Variants in MEOX1 observed in about 807,000 individuals in gnomAD.
MEOX1 encodes the protein mesenchyme homeobox 1.
A neutral mutation model predicts 23.2 loss-of-function variants in MEOX1; 17 were observed. The observed-to-expected ratio is 0.73, with a 90% CI of 0.50 to 1.10. The LOEUF (loss-of-function observed/expected upper bound fraction) is 1.10. Ranked by LOEUF, MEOX1 falls within the 50% of genes least tolerant of loss-of-function variation. MEOX1 has a pLI of 0.00. For missense variants in MEOX1, 333 were observed against 332.2 expected, an observed-to-expected ratio of 1.00 and a Z score of -0.02; for synonymous variants, 134 against 135.1, an observed-to-expected ratio of 0.99 and a Z score of 0.06.
intron 1 of MEOX1, among the ~76,000 whole-genome samples, chr17:43,659,657 A>AGTTTGACCCCATTCTTTCTGT (rs1973103770): frequency 1.3e-5 from 2 of 152,306 alleles, no homozygotes; most frequent in South Asian, 4.1e-4. Context: ...TGCTCACTCT[A>AGTTTGACCCCATTCTTTCTGT]GTTTGACCCC....
Position 43,661,908 on chromosome 17 carries a change from T to G in MEOX1, c.-374A>C. ...AGTTCGTCCTGGAGCCCAGAGCAAATGCCTGCAGAGGGCTGGACCAGGGCT... is the reference window on the plus strand; with the variant it reads ...AGTTCGTCCTGGAGCCCAGAGCAAAGGCCTGCAGAGGGCTGGACCAGGGCT... On this transcript the variant is annotated 5_prime_UTR_variant, in exon 1 of 3. Transcript: ENST00000318579. The G allele has an allele frequency of 5.6e-6, 1 of 177,384 alleles. No individual in the cohort carries two copies. The highest frequency in any genetic ancestry group is 1.2e-5 in the Non-Finnish European group (1 of 85,522). The allele number at this position is 177,384 out of a possible 1,614,324, so 11.0% of individuals were successfully genotyped here. A position where few individuals can be genotyped will look rare whatever the true frequency, so the allele number is the denominator to read the frequency against.
intron 1 of MEOX1, among the ~76,000 whole-genome samples, chr17:43,658,506 CAAAA>C (rs56142635): frequency 9.2e-6 from 1 of 108,570 alleles, no homozygotes. Context: ...GACTCCATCT[CAAAA>C]AAAAAAAAAA....
At position 43,661,199 on chromosome 17, in the gene MEOX1, A is replaced by G; in HGVS notation, c.336T>C (p.Gly112=). The G allele has an allele frequency of 6.2e-7, 1 of 1,606,462 alleles. No individual in the cohort carries two copies. The highest frequency in any genetic ancestry group is 1.1e-5 in the South Asian group (1 of 89,768). ...RRRPNSGPAG[G]SKEMGTSSLG... The stretch of plus-strand genomic sequence containing the variant: ...GGCTGCTGGTCCCCATTTCCTTGGA[A>G]CCCCCTGCCGGGCCTGAGTTGGGCC... Residue 112 remains glycine (G), a synonymous_variant, in exon 1 of 3, where the codon GGT becomes GGC. Transcript: ENST00000318579.
At chr17:43,649,700 T>C (rs1200442725) in intron 1 of MEOX1, among the ~76,000 whole-genome samples, 1 of 152,170 alleles carries the variant, frequency 6.6e-6, no homozygotes, top group Non-Finnish European at 1.5e-5. Flanking sequence ...CTGCGCTGCT[T>C]CTCTCTTGGG....
chr17:43,645,809 C>A (rs1000916149), intron 1 of MEOX1, among the ~76,000 whole-genome samples: 1 of 152,246 alleles, frequency 6.6e-6, no homozygotes, highest in Non-Finnish European at 1.5e-5. Flanking sequence ...CCAGCACCCC[C>A]CTCTATTGCT....
At chr17:43,648,832 T>A (rs1270811073) in intron 1 of MEOX1, among the ~76,000 whole-genome samples, 1 of 152,144 alleles carries the variant, frequency 6.6e-6, no homozygotes, top group Non-Finnish European at 1.5e-5. Context: ...TCCCCAGCCT[T>A]CCCACAGCTC....
chr17:43,654,120 C>G (rs73984053), intron 1 of MEOX1, among the ~76,000 whole-genome samples: 1 of 152,270 alleles, frequency 6.6e-6, no homozygotes, highest in African/African-American at 2.4e-5. Flanking sequence ...ACCCCAGTAC[C>G]TTAGAGTGTG....
chr17:43,657,200 G>A (rs181786065), intron 1 of MEOX1, among the ~76,000 whole-genome samples: 391 of 104,810 alleles, frequency 3.7e-3, no homozygotes, highest in Middle Eastern at 9.4e-3. Context: ...ATGTAGTCCC[G>A]CTCTGTCACC....
At chr17:43,659,378 G>A (rs1486551408) in intron 1 of MEOX1, among the ~76,000 whole-genome samples, 1 of 152,106 alleles carries the variant, frequency 6.6e-6, no homozygotes, top group Non-Finnish European at 1.5e-5. Context: ...CGGTTTAAAG[G>A]GCCCTTCTAT....
intron 1 of MEOX1, among the ~76,000 whole-genome samples, chr17:43,647,014 G>A (rs187168764): frequency 3.9e-5 from 6 of 152,260 alleles, no homozygotes; most frequent in East Asian, 3.9e-4. Flanking sequence ...TAAAAGTGCT[G>A]GACAAATATA....
chr17:43,644,315 G>A (rs1972762314), intron 1 of MEOX1, among the ~76,000 whole-genome samples: 1 of 152,212 alleles, frequency 6.6e-6, no homozygotes, highest in Non-Finnish European at 1.5e-5. Context: ...TACGGAATCA[G>A]AATCTGCCCC....
At chr17:43,645,706 C>CT (rs1038389641) in intron 1 of MEOX1, among the ~76,000 whole-genome samples, 11 of 152,230 alleles carry the variant, frequency 7.2e-5, no homozygotes, top group Non-Finnish European at 1.6e-4. Context: ...ATGCAGTCGG[C>CT]TAAGCAGCCG....
rs1347167922 is a variant in MEOX1, at chr17:43,641,880, T to C, written c.*30A>G. 2 of 1,600,568 alleles carry C rather than the reference T, an allele frequency of 1.2e-6. No individual in the cohort carries two copies. ...GGGGGTAGTTGGGTAGGGGGCTCAG[T>C]CCTTAGTCATTTTTCCTCCATGCAG... On this transcript the variant is annotated 3_prime_UTR_variant, in exon 3 of 3. Transcript: ENST00000318579.
At position 43,641,894 on chromosome 17, in the gene MEOX1, T is replaced by C. The variant is rs1972701021; in HGVS notation, c.*16A>G. The stretch of plus-strand genomic sequence containing the variant: ...AGGGGGCTCAGTCCTTAGTCATTTT[T>C]CCTCCATGCAGAATCTCACTCTGAA... On this transcript the variant is annotated 3_prime_UTR_variant, in exon 3 of 3. Coordinates refer to ENST00000318579, the MANE Select transcript of MEOX1 (RefSeq NM_004527.4). 6.2e-7 allele frequency: 1 copy of C among 1,608,222 alleles called. No homozygotes were observed. Among genetic ancestry groups the C allele is most frequent in the African/African-American group, 1.3e-5 (1 of 74,760 alleles).
chr17:43,642,520 A>G (rs944890745), intron 2 of MEOX1, among the ~76,000 whole-genome samples: 3 of 152,214 alleles, frequency 2.0e-5, no homozygotes, highest in Non-Finnish European at 2.9e-5. Context: ...GGCTAGGAAA[A>G]GTGATAGAGG....
intron 1 of MEOX1, among the ~76,000 whole-genome samples, chr17:43,645,992 C>A (rs1217809344): frequency 6.6e-6 from 1 of 152,236 alleles, no homozygotes; most frequent in Non-Finnish European, 1.5e-5. Context: ...GAGTGGGTGC[C>A]ACCGTTCCGG....
At chr17:43,643,892 C>A (rs1339241441) in intron 1 of MEOX1, among the ~76,000 whole-genome samples, 1 of 121,330 alleles carries the variant, frequency 8.2e-6, no homozygotes, top group Non-Finnish European at 1.7e-5. Flanking sequence ...CACCCTCCCC[C>A]CACCCCAAAC....
chr17:43,642,929 C>T (rs1020237123), intron 2 of MEOX1, among the ~76,000 whole-genome samples: 1 of 152,176 alleles, frequency 6.6e-6, no homozygotes, highest in Non-Finnish European at 1.5e-5. Flanking sequence ...ACCTAGGGGG[C>T]CTTTGAAAAA....
chr17:43,656,043 T>TAA (rs1371910665), intron 1 of MEOX1, among the ~76,000 whole-genome samples: 1 of 152,212 alleles, frequency 6.6e-6, no homozygotes. Flanking sequence ...ATGTCCCAGG[T>TAA]AAGAAACCTC....
Sources: gnomAD v4.1 joint callset for allele counts (sites outside exome capture counted in the v4.1 genomes callset) on GRCh38, gnomAD v4.1.1 for gene constraint, MANE v1.5 for transcripts, NCBI Gene and HGNC (gene_info 2026-07-23, HGNC 2026-07-21) for gene names.